The following LUC7L2 variants were observed in gnomAD, a reference collection of about 807,000 sequenced individuals.
LUC7L2 encodes putative RNA-binding protein Luc7-like 2.
LUC7L2 carries 25 observed loss-of-function variants against 52.8 expected under a neutral mutation model. That is an observed-to-expected ratio of 0.47 (90% CI 0.34 to 0.66). LUC7L2 has a LOEUF of 0.66. Among genes scored for constraint, LUC7L2 ranks in the 30% least tolerant of loss-of-function variants. The pLI is 0.01. For missense variants in LUC7L2, 328 were observed against 497.8 expected (o/e 0.66, Z 3.25); for synonymous variants, 144 against 160.9 (o/e 0.89, Z 0.80).
upstream of LUC7L2, among the ~76,000 whole-genome samples, chr7:139,358,454 C>CT (rs1457415902): frequency 6.6e-6 from 1 of 150,890 alleles, no homozygotes; most frequent in African/African-American, 2.5e-5. Context: ...CAGGAAGTGC[C>CT]TGTCTTCTTA....
rs565497875 is a variant in LUC7L2, at chr7:139,389,562, A to G, written c.157-9037A>G. Among the ~76,000 whole-genome samples the G allele has an allele frequency of 3.5e-4, 54 of 152,216 alleles. 1 individual carries two copies. The highest frequency in any genetic ancestry group is 3.3e-3 in the Admixed American group (51 of 15,274). On this transcript the variant is annotated intron_variant, in intron 2 of 9. Coordinates refer to ENST00000354926, the MANE Select transcript of LUC7L2 (RefSeq NM_016019.5). Reference sequence around the variant, plus strand: ...CTTCACTTGTCCTAGAAACCTCCTCATACACACTGATATTTAATAAAGATA... The same window carrying G: ...CTTCACTTGTCCTAGAAACCTCCTCGTACACACTGATATTTAATAAAGATA...
At chr7:139,405,902 A>C (rs1360337375) in intron 5 of LUC7L2, 115 bp downstream of exon 5, 3 of 1,366,564 alleles carry the variant, frequency 2.2e-6, no homozygotes. Context: ...TTTGAATGGA[A>C]ATTATTGAAC....
chr7:139,346,241 CAA>C (rs564493279), intron 1 of LUC7L2: 6 of 123,976 alleles, frequency 4.8e-5, no homozygotes, highest in Admixed American at 8.3e-5. Flanking sequence ...AACTCTGTCT[CAA>C]AAAAAAAAAA....
intron 1 of LUC7L2, chr7:139,375,341 A>G (rs1269459637): frequency 6.1e-6 from 6 of 985,316 alleles, no homozygotes; most frequent in South Asian, 9.4e-5. Flanking sequence ...GTTTGGCAGT[A>G]TGAAAAAGCT....
At chr7:139,417,330 G>A (rs991980063) in intron 8 of LUC7L2, 3 of 606,856 alleles carry the variant, frequency 4.9e-6, no homozygotes, top group Non-Finnish European at 7.9e-6. Context: ...TGTGAGCCAC[G>A]GCGCCTGGCT....
intron 1 of LUC7L2, among the ~76,000 whole-genome samples, chr7:139,349,622 C>T (rs897087237): frequency 9.3e-5 from 14 of 151,052 alleles, no homozygotes; most frequent in African/African-American, 2.7e-4. Flanking sequence ...GCTCCCCCCC[C>T]CCCCACCGGA....
intron 1 of LUC7L2, among the ~76,000 whole-genome samples, chr7:139,365,356 T>G (rs1800101280): frequency 6.6e-6 from 1 of 152,190 alleles, no homozygotes; most frequent in South Asian, 2.1e-4. Flanking sequence ...AGAAAAATCA[T>G]TTTGTCTATT....
intron 7 of LUC7L2, 144 bp downstream of exon 7, chr7:139,409,798 A>C (rs1795277673): frequency 8.0e-7 from 1 of 1,249,882 alleles, no homozygotes. Context: ...TACTGTGCGA[A>C]TTATATAAAT....
chr7:139,385,311 CTTTT>C (rs58744665), intron 2 of LUC7L2, among the ~76,000 whole-genome samples: 1 of 118,562 alleles, frequency 8.4e-6, no homozygotes, highest in Admixed American at 9.1e-5. Flanking sequence ...GTTAGGATTA[CTTTT>C]TTTTTTTTTT....
At chr7:139,412,255 C>A (rs1226486790) in intron 7 of LUC7L2, among the ~76,000 whole-genome samples, 1 of 150,986 alleles carries the variant, frequency 6.6e-6, no homozygotes, top group Non-Finnish European at 1.5e-5. Context: ...CAGAAAAAAT[C>A]CGAAACACTT....
intron 1 of LUC7L2, among the ~76,000 whole-genome samples, chr7:139,364,375 G>A (rs1217854438): frequency 6.6e-6 from 1 of 152,142 alleles, no homozygotes; most frequent in Non-Finnish European, 1.5e-5. Flanking sequence ...AGGAATGGCA[G>A]CCTGCCCTCC....
At chr7:139,399,966 C>G (rs58682779) in intron 3 of LUC7L2, among the ~76,000 whole-genome samples, 1 of 151,914 alleles carries the variant, frequency 6.6e-6, no homozygotes, top group African/African-American at 2.4e-5. Flanking sequence ...ATCTTTGATA[C>G]ATTTTATAAG....
chr7:139,410,442 A>G (rs1325347063), intron 7 of LUC7L2, among the ~76,000 whole-genome samples: 1 of 152,226 alleles, frequency 6.6e-6, no homozygotes, highest in African/African-American at 2.4e-5. Flanking sequence ...CTAAATGTAT[A>G]TAATTCCTCT....
intron 1 of LUC7L2, chr7:139,341,579 C>A (rs1475512180): frequency 1.9e-6 from 3 of 1,590,234 alleles, no homozygotes; most frequent in Admixed American, 3.4e-5. Context: ...AGAGCCGGGT[C>A]TGGGCTAGGG....
intron 8 of LUC7L2, among the ~76,000 whole-genome samples, chr7:139,415,629 A>T (rs1795561037): frequency 7.4e-6 from 1 of 135,050 alleles, no homozygotes; most frequent in Non-Finnish European, 1.5e-5. Flanking sequence ...AGTAGCTGGG[A>T]CCACAGGCGT....
At chr7:139,360,480 C>CGGCAGGCG (rs1158699355) in intron 1 of LUC7L2, among the ~76,000 whole-genome samples, 158 bp downstream of exon 1, 1 of 152,184 alleles carries the variant, frequency 6.6e-6, no homozygotes, top group Non-Finnish European at 1.5e-5. Context: ...AATCAGGGCT[C>CGGCAGGCG]GGCAGGCGGG....
At chr7:139,364,348 G>A (rs773166031) in intron 1 of LUC7L2, among the ~76,000 whole-genome samples, 2 of 152,168 alleles carry the variant, frequency 1.3e-5, no homozygotes, top group African/African-American at 2.4e-5. Context: ...GACCACCTTC[G>A]AAAGATTAAA....
intron 2 of LUC7L2, among the ~76,000 whole-genome samples, chr7:139,392,041 C>T (rs1569382737): frequency 2.0e-5 from 3 of 152,130 alleles, no homozygotes; most frequent in African/African-American, 7.2e-5. Flanking sequence ...CTTCTCTTTT[C>T]TCCACTTGGT....
At chr7:139,397,340 A>G (rs1213404361) in intron 2 of LUC7L2, among the ~76,000 whole-genome samples, 2 of 152,220 alleles carry the variant, frequency 1.3e-5, no homozygotes, top group Non-Finnish European at 2.9e-5. Context: ...GTAGGCCCCC[A>G]TAATAATGGG....
Sources: allele counts gnomAD v4.1 joint callset (sites outside exome capture counted in the v4.1 genomes callset), GRCh38; gene constraint gnomAD v4.1.1; transcripts MANE v1.5; gene names NCBI Gene and HGNC (gene_info 2026-07-23, HGNC 2026-07-21).